VEPH1: variants seen among roughly 807,000 people sequenced by gnomAD.
The protein encoded by VEPH1 is ventricular zone-expressed PH domain-containing protein homolog 1.
In VEPH1, 80 loss-of-function variants were observed where a neutral mutation model predicts 85.2. That is an observed-to-expected ratio of 0.94 (90% CI 0.78 to 1.13). VEPH1 has a LOEUF of 1.13. VEPH1 is among the 50% of genes most tolerant of loss of function. The probability of loss-of-function intolerance (pLI) is 0.00; values close to 1 mark genes in which losing one functional copy is unlikely to be tolerated. For synonymous variants in VEPH1, 297 were observed against 348.0 expected (o/e 0.85, Z 1.63); for missense variants, 955 against 980.5 (o/e 0.97, Z 0.35).
At chr3:157,463,435 C>T (rs1054353979) in intron 3 of VEPH1, among the ~76,000 whole-genome samples, 8 of 152,304 alleles carry the variant, frequency 5.3e-5, no homozygotes, top group East Asian at 3.9e-4. Context: ...CTTAACATCA[C>T]GGAAGTATCA....
chr3:157,291,578 G>A (rs1387240225), intron 11 of VEPH1, among the ~76,000 whole-genome samples: 1 of 152,198 alleles, frequency 6.6e-6, no homozygotes, highest in East Asian at 1.9e-4. Context: ...CCAAGGAGGT[G>A]AGAAGGTAAT....
chr3:157,292,131 A>G (rs972555307), intron 11 of VEPH1, among the ~76,000 whole-genome samples: 18 of 152,164 alleles, frequency 1.2e-4, no homozygotes, highest in African/African-American at 4.1e-4. Context: ...AGTTCTCGCT[A>G]TGTTGCCCAG....
chr3:157,365,361 A>G (rs1371178906), intron 7 of VEPH1, among the ~76,000 whole-genome samples: 1 of 152,216 alleles, frequency 6.6e-6, no homozygotes, highest in African/African-American at 2.4e-5. Flanking sequence ...TGGTGTTAGT[A>G]TTAATTCTTT....
chr3:157,285,244 ACT>A (rs1716623110), intron 12 of VEPH1: 1 of 152,168 alleles, frequency 6.6e-6, no homozygotes, highest in South Asian at 2.1e-4. Context: ...TGGGGTGTTC[ACT>A]CTGGCGTTGG....
At chr3:157,411,959 G>A (rs1731565995) in intron 6 of VEPH1, among the ~76,000 whole-genome samples, 1 of 152,150 alleles carries the variant, frequency 6.6e-6, no homozygotes. Context: ...GGCCTGGTGG[G>A]AGGTGACTCG....
intron 4 of VEPH1, among the ~76,000 whole-genome samples, chr3:157,453,967 G>A (rs925884544): frequency 1.3e-5 from 2 of 152,082 alleles, no homozygotes; most frequent in African/African-American, 2.4e-5. Flanking sequence ...TTTAGAAAGT[G>A]TACTTTGTGT....
At chr3:157,424,750 A>G (rs12629213) in intron 5 of VEPH1, among the ~76,000 whole-genome samples, 73,051 of 152,032 alleles carry the variant, frequency 0.48, 17,931 homozygotes, top group Admixed American at 0.6. Context: ...ATTTCTAAGC[A>G]GCAAAGCATT....
chr3:157,439,243 G>A (rs1342107806), intron 4 of VEPH1, among the ~76,000 whole-genome samples: 1 of 152,170 alleles, frequency 6.6e-6, no homozygotes, highest in Non-Finnish European at 1.5e-5. Context: ...CTGAAAAACC[G>A]AAGAATTACT....
intron 5 of VEPH1, among the ~76,000 whole-genome samples, chr3:157,421,871 C>A (rs1732367240): frequency 6.6e-6 from 1 of 152,116 alleles, no homozygotes; most frequent in East Asian, 1.9e-4. Context: ...GGGTGGGGTC[C>A]ATCCACATCA....
At chr3:157,413,856 A>G (rs978000842) in intron 6 of VEPH1, 25 bp downstream of exon 6, 2 of 1,609,292 alleles carry the variant, frequency 1.2e-6, no homozygotes, top group Non-Finnish European at 1.7e-6. Context: ...ATTCAGGGGA[A>G]TGGAGAGAAA....
rs1174421283 is a variant in VEPH1 at position 157,272,495 on chromosome 3, T to G, written c.2129-6833A>C. On this transcript the variant is annotated intron_variant, in intron 12 of 13. Transcript: ENST00000362010. ...TTTTTTTTTTCAGGGTCTCACTCTG[T>G]CACCCAGGCTGGAGTGCAGTGACAC... 4.7e-5 allele frequency among the ~76,000 whole-genome samples: 7 copies of G among 148,924 alleles called. No individual in the cohort carries two copies. In the East Asian group the frequency reaches 1.4e-3, roughly 29 times the overall value.
chr3:157,489,712 CTT>C (rs35342499), intron 2 of VEPH1, among the ~76,000 whole-genome samples: 26,671 of 148,188 alleles, frequency 0.18, 2,935 homozygotes, highest in East Asian at 0.37. Flanking sequence ...TGTCAGAGGG[CTT>C]TTTTTTTTTG....
chr3:157,456,494 TA>T (rs1378111144), intron 4 of VEPH1, among the ~76,000 whole-genome samples: 1 of 152,216 alleles, frequency 6.6e-6, no homozygotes, highest in Non-Finnish European at 1.5e-5. Context: ...CCAGCGTTTT[TA>T]TAGTTTTGGG....
chr3:157,309,694 A>G (rs1001202431), intron 11 of VEPH1, among the ~76,000 whole-genome samples: 1 of 152,012 alleles, frequency 6.6e-6, no homozygotes, highest in East Asian at 1.9e-4. Flanking sequence ...TATATTACAT[A>G]AGCATTTCCA....
chr3:157,397,911 T>G (rs770188152), intron 6 of VEPH1, among the ~76,000 whole-genome samples: 12 of 152,194 alleles, frequency 7.9e-5, no homozygotes, highest in Non-Finnish European at 1.3e-4. Flanking sequence ...ACCACTGTCC[T>G]TCAGGCATGT....
intron 11 of VEPH1, among the ~76,000 whole-genome samples, chr3:157,305,036 A>ATCTATCTATCTATCTATC (rs1719307763): frequency 4.3e-5 from 6 of 139,500 alleles, no homozygotes; most frequent in African/African-American, 1.1e-4. Context: ...GTGTATTGTT[A>ATCTATCTATCTATCTATC]TATCTATCTA....
chr3:157,406,991 C>A (rs1824058), intron 6 of VEPH1, among the ~76,000 whole-genome samples: 98,894 of 148,374 alleles, frequency 0.67, 33,117 homozygotes, highest in South Asian at 0.74. Flanking sequence ...AAGTTGGCCT[C>A]CCAAAAAAAA....
At chr3:157,447,028 T>C (rs559680631) in intron 4 of VEPH1, among the ~76,000 whole-genome samples, 2 of 152,360 alleles carry the variant, frequency 1.3e-5, no homozygotes, top group South Asian at 4.1e-4. Flanking sequence ...CATGAAGTTA[T>C]ATTGAAAATA....
In VEPH1 at chr3:157,460,392, C is replaced by A. The variant is rs1192876140; in HGVS notation, c.355-37G>T. 4 of 1,587,148 alleles carry A rather than the reference C, an allele frequency of 2.5e-6. No individual in the cohort carries two copies. In the South Asian group the frequency reaches 4.6e-5, roughly 18 times the overall value. ...TAAGAAAGCCACAAATAATAAGTGACTCATTATTCATTTATTCATTCATTC... is the reference window on the plus strand; with the variant it reads ...TAAGAAAGCCACAAATAATAAGTGAATCATTATTCATTTATTCATTCATTC... On this transcript the variant is annotated intron_variant, in intron 3 of 13. Transcript: ENST00000362010.
Sources: gnomAD v4.1 joint callset for allele counts (sites outside exome capture counted in the v4.1 genomes callset) on GRCh38, gnomAD v4.1.1 for gene constraint, MANE v1.5 for transcripts, NCBI Gene and HGNC (gene_info 2026-07-23, HGNC 2026-07-21) for gene names.